The following HDAC9 variants were observed in gnomAD, a reference collection of about 807,000 sequenced individuals.
HDAC9 encodes histone deacetylase 9.
Under a neutral mutation model 139.4 loss-of-function variants are expected in HDAC9, and 41 were observed. The ratio of observed to expected loss-of-function variants is 0.29; its 90% CI spans 0.23 to 0.38. HDAC9 has a LOEUF of 0.38. HDAC9 is among the 10% of genes least tolerant of loss of function. The probability of loss-of-function intolerance (pLI) is 1.00; values close to 1 mark genes in which losing one functional copy is unlikely to be tolerated. For missense variants in HDAC9, 1,147 were observed against 1,297.0 expected (o/e 0.88, Z 1.78); for synonymous variants, 517 against 476.2 (o/e 1.09, Z -1.12).
intron 1 of HDAC9, among the ~76,000 whole-genome samples, chr7:18,087,411 G>C (rs1483335817): frequency 6.6e-6 from 1 of 152,216 alleles, no homozygotes; most frequent in African/African-American, 2.4e-5. Flanking sequence ...ACCTTCGTCA[G>C]AAGTTGGGTG....
At chr7:18,811,486 G>A (rs562794322) in intron 17 of HDAC9, among the ~76,000 whole-genome samples, 86 of 151,472 alleles carry the variant, frequency 5.7e-4, no homozygotes, top group Non-Finnish European at 1.1e-3. Flanking sequence ...TTTTTGACAC[G>A]TGAGTTATTT....
chr7:18,622,458 G>C (rs1029269579), intron 6 of HDAC9, among the ~76,000 whole-genome samples: 2 of 152,014 alleles, frequency 1.3e-5, no homozygotes, highest in African/African-American at 2.4e-5. Flanking sequence ...AAGTAGCTGG[G>C]ATTACAGGGA....
At chr7:18,751,469 T>A (rs560250274) in intron 14 of HDAC9, among the ~76,000 whole-genome samples, 1 of 152,278 alleles carries the variant, frequency 6.6e-6, no homozygotes, top group South Asian at 2.1e-4. Flanking sequence ...GTGAAGATTA[T>A]GTTGCCGATA....
intron 25 of HDAC9, among the ~76,000 whole-genome samples, chr7:18,979,585 G>A (rs183475186): frequency 6.6e-6 from 1 of 152,262 alleles, no homozygotes; most frequent in East Asian, 1.9e-4. Flanking sequence ...ATAAATAGCT[G>A]CGAATGGGTA....
At chr7:18,493,782 A>T (rs3757720), upstream of HDAC9, among the ~76,000 whole-genome samples, 10,363 of 151,800 alleles carry the variant, frequency 0.068, 425 homozygotes, top group South Asian at 0.14. Context: ...TGTAGAATAA[A>T]AAAAAAAAAA....
chr7:18,405,834 A>G (rs545697977), intron 1 of HDAC9, among the ~76,000 whole-genome samples: 1 of 152,344 alleles, frequency 6.6e-6, no homozygotes, highest in South Asian at 2.1e-4. Flanking sequence ...CCTGTAGCAT[A>G]AAAACAATTT....
chr7:18,637,502 C>G (rs1218642909), intron 8 of HDAC9, among the ~76,000 whole-genome samples: 1 of 151,952 alleles, frequency 6.6e-6, no homozygotes, highest in Non-Finnish European at 1.5e-5. Context: ...TCCTTTCACC[C>G]CCACCATTAA....
In HDAC9 at chr7:18,997,319, A is replaced by G. The variant is rs889716224; in HGVS notation, c.*1257A>G. 2 of 151,874 alleles carry G rather than the reference A, an allele frequency of 1.3e-5. No homozygotes were observed. The highest frequency in any genetic ancestry group is 4.8e-5 in the African/African-American group (2 of 41,420). The allele number at this position is 151,874 out of a possible 1,614,324, so 9.4% of individuals were successfully genotyped here. A position where few individuals can be genotyped will look rare whatever the true frequency, so the allele number is the denominator to read the frequency against. On this transcript the variant is annotated 3_prime_UTR_variant, in exon 26 of 26. Coordinates refer to ENST00000686413, the MANE Select transcript of HDAC9 (RefSeq NM_178425.4). ...CTTGTGAAAAAAAAAAAAAACAAAA[A>G]CAAAAAACAGCCTTTAAACAAGTTT...
intron 1 of HDAC9, among the ~76,000 whole-genome samples, chr7:18,432,023 C>G (rs919051068): frequency 6.6e-6 from 1 of 152,176 alleles, no homozygotes; most frequent in South Asian, 2.1e-4. Flanking sequence ...TTGAAGTGTC[C>G]TGAATAAAAC....
intron 25 of HDAC9, among the ~76,000 whole-genome samples, chr7:18,976,214 C>T (rs1784540270): frequency 6.6e-6 from 1 of 152,238 alleles, no homozygotes; most frequent in Non-Finnish European, 1.5e-5. Flanking sequence ...TGAGAAAAAT[C>T]ACGCCTTATC....
chr7:18,401,028 T>TTGTAGGCTGTTTATGGGCTTTC (rs1787490782), intron 1 of HDAC9, among the ~76,000 whole-genome samples: 3 of 152,216 alleles, frequency 2.0e-5, no homozygotes. Flanking sequence ...ATTTAATCTT[T>TTGTAGGCTGTTTATGGGCTTTC]TGTAGGCTGT....
At chr7:18,178,192 C>T (rs1347050533) in intron 2 of HDAC9, among the ~76,000 whole-genome samples, 1 of 152,068 alleles carries the variant, frequency 6.6e-6, no homozygotes, top group Admixed American at 6.6e-5. Flanking sequence ...CAAGCAATTC[C>T]CTTGCCTCAG....
At chr7:18,362,521 A>G (rs949519450) in intron 1 of HDAC9, among the ~76,000 whole-genome samples, 2 of 152,178 alleles carry the variant, frequency 1.3e-5, no homozygotes, top group African/African-American at 4.8e-5. Context: ...TATATGGTAT[A>G]CAGTTCTAAA....
chr7:18,349,557 T>C (rs1012085517), intron 1 of HDAC9, among the ~76,000 whole-genome samples: 1 of 152,142 alleles, frequency 6.6e-6, no homozygotes, highest in African/African-American at 2.4e-5. Flanking sequence ...AAATATTTGA[T>C]TCTCAAACAT....
intron 1 of HDAC9, among the ~76,000 whole-genome samples, chr7:18,378,642 T>G (rs1785185668): frequency 6.6e-6 from 1 of 152,104 alleles, no homozygotes; most frequent in African/African-American, 2.4e-5. Flanking sequence ...CACACATGCC[T>G]AACTGTAGAT....
intron 22 of HDAC9, among the ~76,000 whole-genome samples, chr7:18,895,571 T>G (rs183911115): frequency 6.6e-6 from 1 of 152,230 alleles, no homozygotes; most frequent in Non-Finnish European, 1.5e-5. Flanking sequence ...GCTCATGAAG[T>G]GAGTCACTTT....
At chr7:18,272,947 CTACTACTACTACTACTACTAT>C (rs1388250491) in intron 2 of HDAC9, among the ~76,000 whole-genome samples, 1 of 148,226 alleles carries the variant, frequency 6.7e-6, no homozygotes, top group Non-Finnish European at 1.5e-5. Flanking sequence ...ACTACTACTA[CTACTACTACTACTACTACTAT>C]TTCTTCCTCC....
chr7:18,699,924 AT>A (rs1319452574), intron 12 of HDAC9, among the ~76,000 whole-genome samples: 5 of 152,114 alleles, frequency 3.3e-5, no homozygotes, highest in Admixed American at 1.3e-4. Context: ...TTCATATCAG[AT>A]GTACAATTTT....
intron 1 of HDAC9, among the ~76,000 whole-genome samples, chr7:18,423,148 A>C (rs1439033785): frequency 2.0e-5 from 3 of 152,196 alleles, no homozygotes; most frequent in Non-Finnish European, 4.4e-5. Context: ...TGGTTTATTC[A>C]GAACAGGTAT....
Sources: gnomAD v4.1 joint callset for allele counts (sites outside exome capture counted in the v4.1 genomes callset) on GRCh38, gnomAD v4.1.1 for gene constraint, MANE v1.5 for transcripts, NCBI Gene and HGNC (gene_info 2026-07-23, HGNC 2026-07-21) for gene names.